Variants in ARHGAP42 observed in about 807,000 individuals in gnomAD.
The protein encoded by ARHGAP42 is Rho GTPase activating protein 42.
A neutral mutation model predicts 125.0 loss-of-function variants in ARHGAP42; 63 were observed. The ratio of observed to expected loss-of-function variants is 0.50; its 90% CI spans 0.41 to 0.62. ARHGAP42 has a LOEUF of 0.62. Ranked by LOEUF, ARHGAP42 falls within the 20% of genes least tolerant of loss-of-function variation. ARHGAP42 has a pLI of 0.00. For missense variants in ARHGAP42, 766 were observed against 1,024.2 expected, an observed-to-expected ratio of 0.75 and a Z score of 3.44; for synonymous variants, 339 against 351.0, an observed-to-expected ratio of 0.97 and a Z score of 0.38.
At chr11:100,807,169 G>C (rs966599017) in intron 3 of ARHGAP42, among the ~76,000 whole-genome samples, 1 of 148,910 alleles carries the variant, frequency 6.7e-6, no homozygotes, top group Admixed American at 6.7e-5. Context: ...TTTTTTAATT[G>C]TGCAAAGAGC....
Position 100,973,171 on chromosome 11 carries a change from G to A in ARHGAP42, c.1551-4G>A. Reference sequence around the variant, plus strand: ...AAGATATTTTTGTTGCTTTTTATTTGCAGAGTATCACTACACAGCCAACAA... The same window carrying A: ...AAGATATTTTTGTTGCTTTTTATTTACAGAGTATCACTACACAGCCAACAA... On this transcript the variant is annotated splice_region_variant and splice_polypyrimidine_tract_variant and intron_variant, in intron 17 of 23. Coordinates refer to ENST00000298815, the MANE Select transcript of ARHGAP42 (RefSeq NM_152432.4). 2 of 1,501,240 alleles carry A rather than the reference G, an allele frequency of 1.3e-6. No homozygotes were observed. The highest frequency in any genetic ancestry group is 1.8e-6 in the Non-Finnish European group (2 of 1,122,912). 93.0% of individuals were successfully genotyped at this position (1,501,240 alleles called of 1,614,324 possible). A position where few individuals can be genotyped will look rare whatever the true frequency, so the allele number is the denominator to read the frequency against.
At chr11:100,771,157 C>T (rs1218020468) in intron 2 of ARHGAP42, among the ~76,000 whole-genome samples, 1 of 152,098 alleles carries the variant, frequency 6.6e-6, no homozygotes, top group African/African-American at 2.4e-5. Flanking sequence ...AGTGTTGTTG[C>T]AGATGCAGAA....
At chr11:100,782,031 G>C (rs1008813617) in intron 2 of ARHGAP42, among the ~76,000 whole-genome samples, 2 of 151,828 alleles carry the variant, frequency 1.3e-5, no homozygotes, top group African/African-American at 4.8e-5. Context: ...TCCTGCTTAG[G>C]CATACTTAGT....
intron 3 of ARHGAP42, among the ~76,000 whole-genome samples, chr11:100,814,893 G>A (rs997852125): frequency 2.0e-5 from 3 of 152,204 alleles, no homozygotes; most frequent in Non-Finnish European, 4.4e-5. Context: ...AGTATGTACA[G>A]ATATGTAGGA....
intron 5 of ARHGAP42, among the ~76,000 whole-genome samples, chr11:100,920,598 A>G (rs1393416667): frequency 6.6e-6 from 1 of 152,162 alleles, no homozygotes; most frequent in Non-Finnish European, 1.5e-5. Context: ...AAAGTAAGTC[A>G]TGTCTCTCTG....
chr11:100,690,234 C>T (rs1861163660), intron 1 of ARHGAP42, among the ~76,000 whole-genome samples: 1 of 152,084 alleles, frequency 6.6e-6, no homozygotes, highest in African/African-American at 2.4e-5. Context: ...GTATCCATTA[C>T]CCGTTTCAGT....
chr11:100,848,250 C>T (rs570227259), intron 3 of ARHGAP42, among the ~76,000 whole-genome samples: 1 of 152,172 alleles, frequency 6.6e-6, no homozygotes, highest in South Asian at 2.1e-4. Flanking sequence ...GCATTTTTCC[C>T]TCCAACATTT....
At chr11:100,913,692 A>T (rs1866988288) in intron 5 of ARHGAP42, 139 bp downstream of exon 5, 1 of 356,044 alleles carries the variant, frequency 2.8e-6, no homozygotes. Flanking sequence ...TTGAGCACTT[A>T]CTATGGGCGA....
chr11:100,706,396 T>C (rs1300844229), intron 1 of ARHGAP42, among the ~76,000 whole-genome samples: 1 of 152,198 alleles, frequency 6.6e-6, no homozygotes, highest in Non-Finnish European at 1.5e-5. Flanking sequence ...GAGGCTGAAG[T>C]CTACAGGTGG....
chr11:100,845,703 C>T (rs919646252), intron 3 of ARHGAP42, among the ~76,000 whole-genome samples: 1 of 152,120 alleles, frequency 6.6e-6, no homozygotes, highest in Non-Finnish European at 1.5e-5. Context: ...ATTTTATCCA[C>T]TTCACAGCAT....
intron 19 of ARHGAP42, among the ~76,000 whole-genome samples, chr11:100,975,279 T>C (rs1324298122): frequency 1.3e-5 from 2 of 152,212 alleles, no homozygotes; most frequent in African/African-American, 2.4e-5. Context: ...ATTACCATGA[T>C]GTGCTTATTT....
chr11:100,762,969 G>GTTT (rs1862742013), intron 1 of ARHGAP42, among the ~76,000 whole-genome samples: 2 of 93,548 alleles, frequency 2.1e-5, no homozygotes, highest in African/African-American at 3.9e-5. Context: ...AGTTTATAGT[G>GTTT]ATTTTTTTTT....
intron 12 of ARHGAP42, among the ~76,000 whole-genome samples, chr11:100,950,245 A>T (rs1393833176): frequency 6.9e-6 from 1 of 145,178 alleles, no homozygotes; most frequent in Admixed American, 7.2e-5. Flanking sequence ...ATTTATATAA[A>T]ATATATAATA....
intron 1 of ARHGAP42, among the ~76,000 whole-genome samples, chr11:100,753,721 A>G (rs1448451140): frequency 6.6e-6 from 1 of 152,028 alleles, no homozygotes; most frequent in Non-Finnish European, 1.5e-5. Flanking sequence ...CTACTTTTAC[A>G]TGCCCCACCG....
chr11:100,835,792 A>G (rs1438924148), intron 3 of ARHGAP42, among the ~76,000 whole-genome samples: 3 of 151,718 alleles, frequency 2.0e-5, no homozygotes, highest in Non-Finnish European at 4.4e-5. Context: ...ATCCCCCCTT[A>G]TACAATTGGT....
At chr11:100,788,072 C>A (rs141779797) in intron 2 of ARHGAP42, among the ~76,000 whole-genome samples, 1 of 152,112 alleles carries the variant, frequency 6.6e-6, no homozygotes, top group Non-Finnish European at 1.5e-5. Context: ...TTTCCTAATA[C>A]TTAATTAGGA....
chr11:100,782,087 G>T (rs891908532), intron 2 of ARHGAP42, among the ~76,000 whole-genome samples: 1 of 152,128 alleles, frequency 6.6e-6, no homozygotes, highest in African/African-American at 2.4e-5. Flanking sequence ...ATGTGATATT[G>T]AAGAAAACCA....
chr11:100,821,650 A>G (rs1188034492), intron 3 of ARHGAP42, among the ~76,000 whole-genome samples: 1 of 151,700 alleles, frequency 6.6e-6, no homozygotes, highest in Non-Finnish European at 1.5e-5. Context: ...AAAGAAAAAG[A>G]AAACCAAGAA....
intron 12 of ARHGAP42, among the ~76,000 whole-genome samples, chr11:100,952,637 C>T (rs1230026043): frequency 1.3e-5 from 2 of 151,942 alleles, no homozygotes; most frequent in African/African-American, 4.8e-5. Flanking sequence ...GAAAGAAACC[C>T]TGGCTCAAAG....
Sources: allele counts gnomAD v4.1 joint callset (sites outside exome capture counted in the v4.1 genomes callset), GRCh38; gene constraint gnomAD v4.1.1; transcripts MANE v1.5; gene names NCBI Gene and HGNC (gene_info 2026-07-23, HGNC 2026-07-21).